The following BRD10 variants were observed in gnomAD, a reference collection of about 807,000 sequenced individuals.
BRD10 encodes the protein uncharacterized bromodomain-containing protein 10.
At chr9:5,880,328 A>G in the BRD10 span, among the ~76,000 whole-genome samples, 3 of 149,592 alleles carry the variant, frequency 2.0e-5, no homozygotes, top group Admixed American at 2.0e-4. Context: ...CCGGACCAAC[A>G]TGGTGAAACC....
the BRD10 span, chr9:5,919,929 T>C: frequency 5.9e-4 from 956 of 1,613,920 alleles, 1 homozygote; most frequent in Non-Finnish European, 7.3e-4. Context: ...CTGGGGCAAA[T>C]GGCAGAAACC....
At chr9:5,920,040 T>C in the BRD10 span, 8 of 1,613,394 alleles carry the variant, frequency 5.0e-6, no homozygotes, top group African/African-American at 1.3e-5. Context: ...GTTGTGTTTA[T>C]GAGTTGTGGT....
chr9:5,939,607 T>A, the BRD10 span, among the ~76,000 whole-genome samples: 1 of 152,202 alleles, frequency 6.6e-6, no homozygotes, highest in Non-Finnish European at 1.5e-5. Context: ...GGTATTATGA[T>A]TTCAGTGATT....
the BRD10 span, among the ~76,000 whole-genome samples, chr9:5,940,126 C>G: frequency 1.3e-4 from 18 of 142,282 alleles, no homozygotes; most frequent in Non-Finnish European, 2.3e-4. Flanking sequence ...AAATTTCTTT[C>G]TTTTTAACAT....
At chr9:6,003,706 T>C in the BRD10 span, among the ~76,000 whole-genome samples, 1 of 152,142 alleles carries the variant, frequency 6.6e-6, no homozygotes, top group Non-Finnish European at 1.5e-5. Flanking sequence ...AATCAGCTTT[T>C]GGAAACTGAA....
chr9:5,993,312 TAAAAAAAAAAA>T, the BRD10 span, among the ~76,000 whole-genome samples: 9 of 116,634 alleles, frequency 7.7e-5, no homozygotes, highest in Admixed American at 1.8e-4. Context: ...GAGACTCCAT[TAAAAAAAAAAA>T]AAAAAAAAAA....
the BRD10 span, chr9:5,923,412 T>C: frequency 5.8e-6 from 5 of 855,830 alleles, no homozygotes; most frequent in African/African-American, 6.7e-5. Flanking sequence ...TGGCAGTGTA[T>C]TAAGAAATCT....
the BRD10 span, among the ~76,000 whole-genome samples, chr9:5,964,584 C>T: frequency 2.2e-5 from 3 of 136,594 alleles, no homozygotes; most frequent in Non-Finnish European, 4.7e-5. Context: ...ATAAATCATG[C>T]TGCTATAAAG....
At chr9:5,950,307 G>A in the BRD10 span, among the ~76,000 whole-genome samples, 3 of 152,072 alleles carry the variant, frequency 2.0e-5, no homozygotes, top group South Asian at 2.1e-4. Flanking sequence ...CACCAGAAGC[G>A]ACTGACCTGC....
chr9:5,959,867 G>A, the BRD10 span, among the ~76,000 whole-genome samples: 1 of 152,120 alleles, frequency 6.6e-6, no homozygotes, highest in Non-Finnish European at 1.5e-5. Context: ...CACATGCTTA[G>A]AAAGATCACC....
At chr9:5,922,001 G>A in the BRD10 span, 7 of 1,613,870 alleles carry the variant, frequency 4.3e-6, no homozygotes, top group African/African-American at 1.3e-5. Context: ...AGGTGAAAAA[G>A]CAGAGGAAGA....
At chr9:5,888,962 G>C in the BRD10 span, among the ~76,000 whole-genome samples, 1 of 152,190 alleles carries the variant, frequency 6.6e-6, no homozygotes, top group African/African-American at 2.4e-5. Flanking sequence ...GCAATGACCA[G>C]CTCAGTGGCT....
chr9:5,887,527 G>C, the BRD10 span, among the ~76,000 whole-genome samples: 1 of 152,180 alleles, frequency 6.6e-6, no homozygotes, highest in African/African-American at 2.4e-5. Context: ...CTTGCCACCA[G>C]TCATATATGG....
the BRD10 span, among the ~76,000 whole-genome samples, chr9:5,957,658 G>C: frequency 2.0e-5 from 3 of 151,990 alleles, no homozygotes; most frequent in Non-Finnish European, 2.9e-5. Flanking sequence ...GTTTGGTTCA[G>C]AGCATTCCTT....
chr9:5,919,794 G>C, the BRD10 span: 34 of 1,613,872 alleles, frequency 2.1e-5, 1 homozygote, highest in East Asian at 6.5e-4. Flanking sequence ...GATGGAGAGA[G>C]TGAAGAAACC....
chr9:5,889,925 C>T, the BRD10 span, among the ~76,000 whole-genome samples: 1 of 152,190 alleles, frequency 6.6e-6, no homozygotes, highest in Non-Finnish European at 1.5e-5. Context: ...CTATCCCTTT[C>T]ACATAGATGG....
At chr9:5,914,362 GC>G in the BRD10 span, among the ~76,000 whole-genome samples, 7 of 146,404 alleles carry the variant, frequency 4.8e-5, no homozygotes, top group Non-Finnish European at 9.0e-5. Context: ...TTAAATTCAA[GC>G]CTGAAAGAAT....
At chr9:5,977,616 G>C in the BRD10 span, among the ~76,000 whole-genome samples, 2 of 152,204 alleles carry the variant, frequency 1.3e-5, no homozygotes, top group African/African-American at 4.8e-5. Flanking sequence ...GAGAGGCTGA[G>C]GTGGGCAGAT....
chr9:5,981,936 G>A, the BRD10 span, among the ~76,000 whole-genome samples: 3 of 152,116 alleles, frequency 2.0e-5, no homozygotes, highest in Non-Finnish European at 2.9e-5. Flanking sequence ...AGTGTACACT[G>A]CTCGGGTGAT....
Sources: allele counts gnomAD v4.1 joint callset (sites outside exome capture counted in the v4.1 genomes callset), GRCh38; gene constraint gnomAD v4.1.1; transcripts MANE v1.5; gene names NCBI Gene and HGNC (gene_info 2026-07-23, HGNC 2026-07-21).